CCZ1B: variants seen among roughly 807,000 people sequenced by gnomAD.
CCZ1B encodes vacuolar fusion protein CCZ1 homolog B.
A neutral mutation model predicts 58.8 loss-of-function variants in CCZ1B; 25 were observed. The ratio of observed to expected loss-of-function variants is 0.43; its 90% CI spans 0.31 to 0.59. The LOEUF is 0.59. Among genes scored for constraint, CCZ1B ranks in the 20% least tolerant of loss-of-function variants. The pLI is 0.12. For synonymous variants in CCZ1B, 66 were observed against 173.2 expected (o/e 0.38, Z 4.86); for missense variants, 180 against 501.5 (o/e 0.36, Z 6.12).
chr7:6,818,669 GA>G (rs1302846016), intron 7 of CCZ1B, among the ~76,000 whole-genome samples: 1 of 69,716 alleles, frequency 1.4e-5, no homozygotes, highest in South Asian at 1.3e-3. Context: ...AAGACAGACA[GA>G]AAGAAAGAAA....
chr7:6,810,555 C>T lies in CCZ1B; in HGVS notation c.954+1397G>A, dbSNP rs569361051. Among the ~76,000 whole-genome samples, 29 of 146,938 alleles carry T rather than the reference C, an allele frequency of 2.0e-4. 5 individuals are homozygous for T. The highest frequency in any genetic ancestry group is 6.5e-4 in the African/African-American group (25 of 38,662). ...ACATCCTCCAACTCTTGGGCTCAAG[C>T]GGTTCTCCTGCCTCAGCCTCCTGAG... On this transcript the variant is annotated intron_variant, in intron 10 of 14. Transcript: ENST00000316731.
Position 6,799,017 on chromosome 7 carries a change from A to G in CCZ1B, c.*207T>C. On this transcript the variant is annotated 3_prime_UTR_variant, in exon 15 of 15. Coordinates refer to ENST00000316731, the MANE Select transcript of CCZ1B (RefSeq NM_198097.5). ...ATGTCAAAAGAATGAAATGATAGCG[A>G]TATAGCCAACTACCTTTAATTAATT... 1 of 363,458 alleles carries G rather than the reference A, an allele frequency of 2.8e-6. No individual in the cohort carries two copies. The highest frequency in any genetic ancestry group is 4.5e-6 in the Non-Finnish European group (1 of 223,236). The allele number at this position is 363,458 out of a possible 1,614,324, so 22.5% of individuals were successfully genotyped here.
In CCZ1B at chr7:6,814,421, A is replaced by G. The variant is rs1583552950; in HGVS notation, c.780+343T>C. 1.1e-4 allele frequency among the ~76,000 whole-genome samples: 17 copies of G among 149,746 alleles called. 3 individuals are homozygous for G. In the South Asian group the frequency reaches 3.6e-3, roughly 32 times the overall value. On this transcript the variant is annotated intron_variant, in intron 8 of 14. Transcript: ENST00000316731. ...CGTGGTGGCGGGCGCCTGTAATCCC[A>G]GGTACTAGGGAGGCCGAGGCAAGGA...
At chr7:6,822,088 T>G (rs1783120197) in intron 6 of CCZ1B, among the ~76,000 whole-genome samples, 193 bp downstream of exon 6, 1 of 149,518 alleles carries the variant, frequency 6.7e-6, no homozygotes, top group Non-Finnish European at 1.5e-5. Context: ...ACACCACAGC[T>G]GGAGGGAAGG....
In CCZ1B at chr7:6,824,613, C is replaced by T. The variant is rs760224869; in HGVS notation, c.218+27G>A. The T allele has an allele frequency of 2.9e-5, 47 of 1,612,292 alleles. No homozygotes were observed. The Admixed American group carries it at 3.0e-4, about 10-fold the overall frequency. On this transcript the variant is annotated intron_variant, in intron 2 of 14. Coordinates refer to ENST00000316731, the MANE Select transcript of CCZ1B (RefSeq NM_198097.5). ...GCAGCAGTTTTAAGAATTCACTGAA[C>T]GCTAAAGGCACACTTAGAGGTATTA... is the stretch of plus-strand genomic sequence containing the variant.
rs761942389 is a variant in CCZ1B at position 6,818,600 on chromosome 7, AAAGAAAGAAAGAAAGAC to A, written c.698+1149_698+1165del. The stretch of plus-strand genomic sequence containing the variant: ...GACAGAAAGAAAGACAGACAGAAAG[AAAGAAAGAAAGAAAGAC>A]AAGAAAGAAAGAAAGACAAGAAAGA... On this transcript the variant is annotated intron_variant, in intron 7 of 14. Transcript: ENST00000316731. 2.7e-3 allele frequency among the ~76,000 whole-genome samples: 360 copies of A among 134,742 alleles called. 15 individuals carry two copies. In the East Asian group the frequency reaches 0.035, roughly 13 times the overall value. The allele number at this position is 134,742 out of a possible 152,430, so 88.4% of individuals were successfully genotyped here. A position where few individuals can be genotyped will look rare whatever the true frequency, so the allele number is the denominator to read the frequency against.
chr7:6,818,413 G>T lies in CCZ1B; in HGVS notation c.698+1353C>A, dbSNP rs1054544049. ...AAAATACAAAAATTAGCCGGGCATG[G>T]TGGCATATGCCTGTAATCCCAGCTA... On this transcript the variant is annotated intron_variant, in intron 7 of 14. Coordinates refer to ENST00000316731, the MANE Select transcript of CCZ1B (RefSeq NM_198097.5). Among the ~76,000 whole-genome samples, 4 of 149,266 alleles carry T rather than the reference G, an allele frequency of 2.7e-5. 1 individual carries two copies. Among genetic ancestry groups the T allele is most frequent in the African/African-American group, 1.0e-4 (4 of 39,440 alleles).
rs1011414381 is a variant in CCZ1B at position 6,812,777 on chromosome 7, T to A, written c.842+199A>T. ...GTTTCTACTAAAAATACAAAATGAA[T>A]TAGCCAGGCATAGTGGCTCATGCCT... is the stretch of plus-strand genomic sequence containing the variant. On this transcript the variant is annotated intron_variant, in intron 9 of 14. Coordinates refer to ENST00000316731, the MANE Select transcript of CCZ1B (RefSeq NM_198097.5). 4.0e-5 allele frequency among the ~76,000 whole-genome samples: 6 copies of A among 149,238 alleles called. 1 individual carries two copies. Among genetic ancestry groups the A allele is most frequent in the African/African-American group, 1.5e-4 (6 of 39,386 alleles).
At position 6,813,156 on chromosome 7, in the gene CCZ1B, C is replaced by T. The variant is rs1405755072; in HGVS notation, c.781-119G>A. The T allele has an allele frequency of 2.4e-5, 34 of 1,389,952 alleles. No homozygotes were observed. In the East Asian group the frequency reaches 5.7e-4, roughly 23 times the overall value. The allele number at this position is 1,389,952 out of a possible 1,614,324, so 86.1% of individuals were successfully genotyped here. The stretch of plus-strand genomic sequence containing the variant: ...GCCATTTGTCTTTTTCTTTTAGAGA[C>T]AGGATCTTGTTCTGTTGCCCAGGCT... On this transcript the variant is annotated intron_variant, in intron 8 of 14. Transcript: ENST00000316731.
intron 1 of CCZ1B, among the ~76,000 whole-genome samples, chr7:6,825,869 TG>T (rs1337589863): frequency 1.3e-5 from 1 of 76,812 alleles, no homozygotes; most frequent in African/African-American, 5.7e-5. Flanking sequence ...GGGTGTGGAG[TG>T]ATATAGACCC....
In CCZ1B at chr7:6,815,715, C is replaced by A. The variant is rs1230604959; in HGVS notation, c.699-870G>T. 2.7e-5 allele frequency among the ~76,000 whole-genome samples: 4 copies of A among 149,034 alleles called. 1 individual carries two copies. Among genetic ancestry groups the A allele is most frequent in the Non-Finnish European group, 5.9e-5 (4 of 67,582 alleles). ...GGCACTGGAACTTTATCCTGACCTG[C>A]AAAAGGCTACTCCTACAGTCCTGTA... On this transcript the variant is annotated intron_variant, in intron 7 of 14. Coordinates refer to ENST00000316731, the MANE Select transcript of CCZ1B (RefSeq NM_198097.5).
At chr7:6,812,278 CA>C in intron 9 of CCZ1B, 1 of 518,408 alleles carries the variant, frequency 1.9e-6, no homozygotes, top group Non-Finnish European at 3.5e-6. Context: ...CACCTGAAGT[CA>C]GGAGTTCAAG....
chr7:6,808,547 G>A (rs1300300553), intron 10 of CCZ1B, among the ~76,000 whole-genome samples: 1 of 150,558 alleles, frequency 6.6e-6, no homozygotes, highest in East Asian at 1.9e-4. Context: ...TTCTTCCACT[G>A]TAATAAACCG....
At chr7:6,813,262 T>TA (rs1252608185) in intron 8 of CCZ1B, among the ~76,000 whole-genome samples, 18 of 149,378 alleles carry the variant, frequency 1.2e-4, no homozygotes, top group African/African-American at 2.8e-4. Context: ...AGCCTCCTGA[T>TA]AGAGGCATGT....
chr7:6,825,641 CCACACACACA>C (rs376938545), intron 1 of CCZ1B, among the ~76,000 whole-genome samples: 5 of 87,292 alleles, frequency 5.7e-5, no homozygotes, highest in African/African-American at 2.4e-4. Flanking sequence ...CTCAGAAAAA[CCACACACACA>C]CACACACACA....
chr7:6,810,988 G>A (rs2115115893), intron 10 of CCZ1B, among the ~76,000 whole-genome samples: 1 of 151,324 alleles, frequency 6.6e-6, no homozygotes, highest in Middle Eastern at 3.4e-3. Flanking sequence ...CTCAGGGGCA[G>A]ACATCCACGT....
intron 4 of CCZ1B, 120 bp downstream of exon 4, chr7:6,823,969 T>G: frequency 1.6e-6 from 1 of 611,724 alleles, no homozygotes; most frequent in East Asian, 2.9e-5. Flanking sequence ...AAACCTTTGC[T>G]ATATACCCCG....
At chr7:6,823,683 C>T (rs1682007841) in intron 4 of CCZ1B, among the ~76,000 whole-genome samples, 1 of 152,206 alleles carries the variant, frequency 6.6e-6, no homozygotes, top group East Asian at 1.9e-4. Context: ...CATCCCTGGC[C>T]AGTTTTTGTA....
intron 4 of CCZ1B, 133 bp downstream of exon 4, chr7:6,823,950 GATAAAC>G (rs1366229815): frequency 1.7e-6 from 1 of 593,742 alleles, no homozygotes; most frequent in Non-Finnish European, 3.0e-6. Flanking sequence ...TCATGTAAAT[GATAAAC>G]ATAAACCTTT....
Sources: gnomAD v4.1 joint callset for allele counts (sites outside exome capture counted in the v4.1 genomes callset) on GRCh38, gnomAD v4.1.1 for gene constraint, MANE v1.5 for transcripts, NCBI Gene and HGNC (gene_info 2026-07-23, HGNC 2026-07-21) for gene names.